DLL3: variants seen among roughly 807,000 people sequenced by gnomAD.
DLL3 encodes the protein delta like canonical Notch ligand 3, also known as delta-like protein 3.
Under a neutral mutation model 55.0 loss-of-function variants are expected in DLL3, and 49 were observed. The observed-to-expected ratio is 0.89, with a 90% confidence interval of 0.71 to 1.13. DLL3 has a LOEUF of 1.13. Ranked by LOEUF, DLL3 falls within the 50% of genes most tolerant of loss-of-function variation. The pLI is 0.00. For synonymous variants in DLL3, 421 were observed against 385.2 expected, an observed-to-expected ratio of 1.09 and a Z score of -1.09; for missense variants, 962 against 875.5, an observed-to-expected ratio of 1.10 and a Z score of -1.25.
chr19:39,504,046 C>G, intron 4 of DLL3, 25 bp from the exon 5 acceptor site: 1 of 1,611,778 alleles, frequency 6.2e-7, no homozygotes, highest in Admixed American at 1.7e-5. Context: ...TGTTCCCTTT[C>G]TCTCTGCCTC....
Position 39,507,132 on chromosome 19 carries a change from C to T in DLL3, c.1187C>T (p.Ala396Val), listed in dbSNP as rs747708804. 22 of 1,518,196 alleles carry T rather than the reference C, an allele frequency of 1.4e-5. No individual in the cohort carries two copies. The Admixed American group carries it at 2.2e-4, about 15-fold the overall frequency. The allele number at this position is 1,518,196 out of a possible 1,614,324, so 94.0% of individuals were successfully genotyped here. The change falls in exon 7 of 9, where the codon GCG becomes GTG. Residue 396 changes from alanine (A) to valine (V), a missense_variant. Physicochemically the swap from Ala to Val is moderately conservative, Grantham distance 64. Transcript: ENST00000356433. ...PRCEHDLDDC[A>V]GRACANGGTC... ...TGCGAGCACGACCTGGACGACTGCG[C>T]GGGCCGCGCCTGCGCTAACGGCGGC... is the stretch of plus-strand genomic sequence containing the variant.
chr19:39,507,133 G>C lies in DLL3; in HGVS notation c.1188G>C (p.Ala396=), dbSNP rs771693899. 6.6e-7 allele frequency: 1 copy of C among 1,518,506 alleles called. No individual in the cohort carries two copies. Among genetic ancestry groups the C allele is most frequent in the Admixed American group, 2.0e-5 (1 of 49,362 alleles). The allele number at this position is 1,518,506 out of a possible 1,614,324, so 94.1% of individuals were successfully genotyped here. Residue 396 remains alanine (A), a synonymous_variant, in exon 7 of 9, where the codon GCG becomes GCC. Transcript: ENST00000356433. ...PRCEHDLDDC[A]GRACANGGTC... ...GCGAGCACGACCTGGACGACTGCGC[G>C]GGCCGCGCCTGCGCTAACGGCGGCA...
chr19:39,501,255 C>A (rs1262772158), intron 3 of DLL3, among the ~76,000 whole-genome samples: 1 of 152,028 alleles, frequency 6.6e-6, no homozygotes, highest in Admixed American at 6.6e-5. Flanking sequence ...CCCACCTTGG[C>A]CTCCCAGAGT....
In DLL3 at chr19:39,502,847, G is replaced by C. The variant is rs749148035; in HGVS notation, c.442G>C (p.Gly148Arg). 7.1e-7 allele frequency: 1 copy of C among 1,416,680 alleles called. No individual in the cohort carries two copies. The highest frequency in any genetic ancestry group is 9.2e-7 in the Non-Finnish European group (1 of 1,090,744). The allele number at this position is 1,416,680 out of a possible 1,614,324, so 87.8% of individuals were successfully genotyped here. The change falls in exon 4 of 9, where the codon GGC (glycine) becomes CGC (arginine). Residue 148 changes from glycine (G) to arginine (R), a missense_variant. Gly to Arg is a moderately radical substitution (Grantham distance 125, BLOSUM62 -2). Transcript: ENST00000356433. Reference protein sequence around the residue: ...PAWSLLARVAGRRRLAAGGPW... With the variant: ...PAWSLLARVARRRRLAAGGPW... ...CTGGAGCCTGCTGGCGCGCGTGGCT[G>C]GCAGGCGGCGCTTGGCAGCCGGAGG...
chr19:39,505,873 A>G (rs1194748994), intron 6 of DLL3, among the ~76,000 whole-genome samples: 1 of 152,158 alleles, frequency 6.6e-6, no homozygotes, highest in Admixed American at 6.5e-5. Flanking sequence ...AGATGGAGCC[A>G]CAGGAAGGTT....
rs2079619695 is a variant in DLL3, at chr19:39,503,009, C to G, written c.604C>G (p.Pro202Ala). Residue 202 changes from proline to alanine, a missense_variant, in exon 4 of 9, where the codon CCG becomes GCG. Coordinates refer to ENST00000356433, the MANE Select transcript of DLL3 (RefSeq NM_203486.3). The stretch of plus-strand genomic sequence containing the variant: ...GCGCAGCGCCCCCTCGCGGTGCGGT[C>G]CGGGACTGCGCCCCTGCGCACCGCT... Reference protein sequence around the residue: ...RPRSAPSRCGPGLRPCAPLED... With the variant: ...RPRSAPSRCGAGLRPCAPLED... The G allele has an allele frequency of 6.6e-7, 1 of 1,506,356 alleles. No homozygotes were observed. The allele number at this position is 1,506,356 out of a possible 1,614,324, so 93.3% of individuals were successfully genotyped here.
In DLL3 at chr19:39,508,431, T is replaced by A; in HGVS notation, c.*174T>A. 1.4e-6 allele frequency: 1 copy of A among 735,666 alleles called. No homozygotes were observed. Among genetic ancestry groups the A allele is most frequent in the Non-Finnish European group, 2.3e-6 (1 of 430,978 alleles). 45.6% of individuals were successfully genotyped at this position (735,666 alleles called of 1,614,324 possible). A position where few individuals can be genotyped will look rare whatever the true frequency, so the allele number is the denominator to read the frequency against. On this transcript the variant is annotated 3_prime_UTR_variant, in exon 9 of 9. Coordinates refer to ENST00000356433, the MANE Select transcript of DLL3 (RefSeq NM_203486.3). ...TTATATCCTATTTTTTCTCACCCCA[T>A]CTCTCTAGAAACACCTATAAAGGCT... is the stretch of plus-strand genomic sequence containing the variant.
At chr19:39,502,522 C>T (rs1284894154) in intron 3 of DLL3, among the ~76,000 whole-genome samples, 1 of 152,128 alleles carries the variant, frequency 6.6e-6, no homozygotes, top group Non-Finnish European at 1.5e-5. Flanking sequence ...GTCTCGGCCT[C>T]CCAAAGTGCT....
chr19:39,501,642 C>A (rs2079610060), intron 3 of DLL3, among the ~76,000 whole-genome samples: 1 of 152,144 alleles, frequency 6.6e-6, no homozygotes, highest in African/African-American at 2.4e-5. Flanking sequence ...AAAGCTGTGT[C>A]ACAATCTTGG....
chr19:39,501,233 C>T (rs2079608028), intron 3 of DLL3, among the ~76,000 whole-genome samples: 1 of 151,896 alleles, frequency 6.6e-6, no homozygotes, highest in South Asian at 2.1e-4. Flanking sequence ...GAACTCCTGA[C>T]CTCGTGATTC....
Position 39,508,155 on chromosome 19 carries a change from G to T in DLL3, c.1759-97G>T, listed in dbSNP as rs569619393. 211 of 1,613,932 alleles carry T rather than the reference G, an allele frequency of 1.3e-4. 1 individual carries two copies. The South Asian group carries it at 2.2e-3, about 17-fold the overall frequency. On this transcript the variant is annotated intron_variant, in intron 8 of 8. Coordinates refer to ENST00000356433, the MANE Select transcript of DLL3 (RefSeq NM_203486.3). ...ATGGGCTTGAGGAGGTCACGATGCC[G>T]ACTCCGCCAGAGCTTTTCCACTGAT... is the stretch of plus-strand genomic sequence containing the variant.
In DLL3 at chr19:39,507,097, G is replaced by A. The variant is rs115456333; in HGVS notation, c.1152G>A (p.Ala384=). Residue 384 remains alanine (A), a synonymous_variant, in exon 7 of 9, where the codon GCG becomes GCA. Transcript: ENST00000356433. ...ALRCRCRAGF[A]GPRCEHDLDD... Reference sequence around the variant, plus strand: ...GCTGCCGCTGCCGCGCCGGCTTCGCGGGTCCTCGCTGCGAGCACGACCTGG... The same window carrying A: ...GCTGCCGCTGCCGCGCCGGCTTCGCAGGTCCTCGCTGCGAGCACGACCTGG... 2.7e-3 allele frequency: 4,150 copies of A among 1,543,398 alleles called. 84 individuals are homozygous for A. The African/African-American group carries it at 0.049, about 18-fold the overall frequency.
In DLL3 at chr19:39,498,980, C is replaced by A. The variant is rs1390184015; in HGVS notation, c.6C>A (p.Val2=). The change falls in exon 1 of 9, where the codon GTC becomes GTA. Residue 2 remains valine (V), a synonymous_variant. Transcript: ENST00000356433. ...GACCCCCCCACCAGAAGGCCATGGTCTCCCCACGGATGTCCGGGCTCCTCT... is the reference window on the plus strand; with the variant it reads ...GACCCCCCCACCAGAAGGCCATGGTATCCCCACGGATGTCCGGGCTCCTCT... M[V]SPRMSGLLSQ... The A allele has an allele frequency of 6.2e-7, 1 of 1,613,988 alleles. No individual in the cohort carries two copies. Among genetic ancestry groups the A allele is most frequent in the South Asian group, 1.1e-5 (1 of 91,074 alleles).
chr19:39,507,823 C>G lies in DLL3; in HGVS notation c.1674-7C>G, dbSNP rs761723380. On this transcript the variant is annotated splice_polypyrimidine_tract_variant and splice_region_variant and intron_variant, in intron 7 of 8. Coordinates refer to ENST00000356433, the MANE Select transcript of DLL3 (RefSeq NM_203486.3). Reference sequence around the variant, plus strand: ...TCTGAGTTTTTCTTCTTTCTCTCCTCCCACAGCTCGTCCGTAGATTGGAAT... The same window carrying G: ...TCTGAGTTTTTCTTCTTTCTCTCCTGCCACAGCTCGTCCGTAGATTGGAAT... 3.7e-6 allele frequency: 6 copies of G among 1,614,000 alleles called. No homozygotes were observed. The highest frequency in any genetic ancestry group is 5.1e-6 in the Non-Finnish European group (6 of 1,180,008).
intron 6 of DLL3, among the ~76,000 whole-genome samples, chr19:39,506,414 T>C (rs1011303798): frequency 1.3e-5 from 2 of 150,130 alleles, no homozygotes; most frequent in Non-Finnish European, 3.0e-5. Flanking sequence ...TGGCTGTGTA[T>C]CTTCTTGCGA....
At position 39,507,115 on chromosome 19, in the gene DLL3, C is replaced by T. The variant is rs781159181; in HGVS notation, c.1170C>T (p.His390=). ...RAGFAGPRCE[H]DLDDCAGRAC... ...GCTTCGCGGGTCCTCGCTGCGAGCA[C>T]GACCTGGACGACTGCGCGGGCCGCG... Residue 390 remains histidine (H), a synonymous_variant, in exon 7 of 9, where the codon CAC becomes CAT. Coordinates refer to ENST00000356433, the MANE Select transcript of DLL3 (RefSeq NM_203486.3). The T allele has an allele frequency of 6.5e-7, 1 of 1,535,604 alleles. No homozygotes were observed. Among genetic ancestry groups the T allele is most frequent in the Non-Finnish European group, 8.7e-7 (1 of 1,148,608 alleles).
At chr19:39,501,477 C>T (rs964696172) in intron 3 of DLL3, among the ~76,000 whole-genome samples, 2 of 148,656 alleles carry the variant, frequency 1.3e-5, no homozygotes, top group Non-Finnish European at 3.0e-5. Flanking sequence ...GTTTTGTCAC[C>T]ATTTTTTTTC....
Position 39,507,515 on chromosome 19 carries a change from G to A in DLL3, c.1570G>A (p.Ala524Thr), listed in dbSNP as rs2079651150. 6.2e-7 allele frequency: 1 copy of A among 1,601,586 alleles called. No individual in the cohort carries two copies. The highest frequency in any genetic ancestry group is 2.3e-5 in the East Asian group (1 of 44,090). The part of the protein sequence containing the change: ...HVRRRGHSQD[A>T]GSRLLAGTPE... ...GCGCCGCCGTGGCCACTCCCAGGAT[G>A]CTGGGTCTCGCTTGCTGGCTGGGAC... Residue 524 changes from alanine to threonine, a missense_variant, in exon 7 of 9, where the codon GCT becomes ACT. Physicochemically the swap from Ala to Thr is moderately conservative, Grantham distance 58. Transcript: ENST00000356433.
chr19:39,500,176 C>T (rs1454847059), intron 2 of DLL3, among the ~76,000 whole-genome samples: 24 of 151,768 alleles, frequency 1.6e-4, no homozygotes, highest in Admixed American at 1.6e-3. Flanking sequence ...CACTGTAATT[C>T]CAGCACTTTG....
Sources: gnomAD v4.1 joint callset for allele counts (sites outside exome capture counted in the v4.1 genomes callset) on GRCh38, gnomAD v4.1.1 for gene constraint, MANE v1.5 for transcripts, NCBI Gene and HGNC (gene_info 2026-07-23, HGNC 2026-07-21) for gene names.